LMX1A: variants seen among roughly 807,000 people sequenced by gnomAD.
LMX1A encodes LIM homeobox transcription factor 1 alpha.
Under a neutral mutation model 49.1 loss-of-function variants are expected in LMX1A, and 15 were observed. The ratio of observed to expected loss-of-function variants is 0.31; its 90% CI spans 0.20 to 0.47. The LOEUF (loss-of-function observed/expected upper bound fraction) is 0.47, where lower values mean the gene tolerates loss of function less well. LMX1A is among the 20% of genes least tolerant of loss of function. LMX1A has a pLI of 1.00. For missense variants in LMX1A, 372 were observed against 475.8 expected, an observed-to-expected ratio of 0.78 and a Z score of 2.03; for synonymous variants, 167 against 185.7, an observed-to-expected ratio of 0.90 and a Z score of 0.82.
At chr1:165,229,549 A>C (rs904869605) in intron 4 of LMX1A, among the ~76,000 whole-genome samples, 2 of 152,196 alleles carry the variant, frequency 1.3e-5, no homozygotes, top group African/African-American at 4.8e-5. Flanking sequence ...TGAACAAGGC[A>C]CTTAACCTCA....
chr1:165,294,098 C>A (rs1654550770), intron 3 of LMX1A, among the ~76,000 whole-genome samples: 1 of 152,204 alleles, frequency 6.6e-6, no homozygotes, highest in Non-Finnish European at 1.5e-5. Flanking sequence ...CAAGGTAACA[C>A]AGCTGATCAG....
chr1:165,284,302 G>A (rs1654241109), intron 3 of LMX1A, among the ~76,000 whole-genome samples: 2 of 152,176 alleles, frequency 1.3e-5, no homozygotes, highest in South Asian at 2.1e-4. Flanking sequence ...TGAGATAGGT[G>A]GAATTTTCCA....
intron 4 of LMX1A, among the ~76,000 whole-genome samples, chr1:165,237,384 C>T (rs561923301): frequency 6.6e-5 from 10 of 152,226 alleles, no homozygotes; most frequent in South Asian, 2.1e-4. Context: ...CCACCACACC[C>T]GGCTAATTTT....
At chr1:165,337,886 T>TG (rs1553213775) in intron 3 of LMX1A, among the ~76,000 whole-genome samples, 19 of 20,786 alleles carry the variant, frequency 9.1e-4, no homozygotes, top group African/African-American at 1.9e-3. Flanking sequence ...GTGTGTGTGT[T>TG]TCTGTGTGTG....
In LMX1A at chr1:165,221,914, C is replaced by CAG. The variant is rs1651862205; in HGVS notation, c.497-8102_497-8101insCT. On this transcript the variant is annotated intron_variant, in intron 4 of 8. Transcript: ENST00000342310. ...CTTAGCTCTGTCTCCACTCTACACA[C>CAG]ACACACACACACACACACACACACA... is the stretch of plus-strand genomic sequence containing the variant. 4.0e-5 allele frequency among the ~76,000 whole-genome samples: 4 copies of CAG among 100,880 alleles called. No individual in the cohort carries two copies. The South Asian group carries it at 1.5e-3, about 38-fold the overall frequency. The allele number at this position is 100,880 out of a possible 152,430, so 66.2% of individuals were successfully genotyped here.
At chr1:165,349,099 T>C (rs968598334) in intron 3 of LMX1A, among the ~76,000 whole-genome samples, 3 of 152,160 alleles carry the variant, frequency 2.0e-5, no homozygotes, top group Non-Finnish European at 2.9e-5. Flanking sequence ...ATAAACTTCA[T>C]ATGTGAGGGC....
At position 165,318,932 on chromosome 1, in the gene LMX1A, G is replaced by C. The variant is rs528071333; in HGVS notation, c.263+34144C>G. On this transcript the variant is annotated intron_variant, in intron 3 of 8. Transcript: ENST00000342310. ...AAACTTACCTCCTGGTTAAGCCCGG[G>C]TTAATTAGGTTTTCTGTTATCTGAA... 2.0e-5 allele frequency among the ~76,000 whole-genome samples: 3 copies of C among 151,532 alleles called. No homozygotes were observed. The East Asian group carries it at 5.8e-4, about 29-fold the overall frequency.
At chr1:165,260,836 A>G (rs765855276) in intron 3 of LMX1A, among the ~76,000 whole-genome samples, 6 of 152,126 alleles carry the variant, frequency 3.9e-5, no homozygotes, top group Non-Finnish European at 8.8e-5. Flanking sequence ...GGGAGCTGCT[A>G]TGGGGTTTTC....
At chr1:165,349,912 A>G (rs1208038718) in intron 3 of LMX1A, among the ~76,000 whole-genome samples, 1 of 152,240 alleles carries the variant, frequency 6.6e-6, no homozygotes, top group Non-Finnish European at 1.5e-5. Context: ...CAGATGGCTA[A>G]GATAAATGTG....
intron 3 of LMX1A, among the ~76,000 whole-genome samples, chr1:165,275,246 G>A (rs1653929560): frequency 1.3e-5 from 2 of 152,174 alleles, no homozygotes; most frequent in Admixed American, 6.5e-5. Context: ...CTAGGCTGGA[G>A]CCTCTATCAG....
chr1:165,343,580 C>T lies in LMX1A; in HGVS notation c.263+9496G>A, dbSNP rs78974177. 1.2e-4 allele frequency among the ~76,000 whole-genome samples: 19 copies of T among 152,234 alleles called. No individual in the cohort carries two copies. The East Asian group carries it at 1.9e-3, about 15-fold the overall frequency. ...GGACACCTGTTGACAATAGGACATGCGTTTCAAATTACTTTTTCAGTAATG... is the reference window on the plus strand; with the variant it reads ...GGACACCTGTTGACAATAGGACATGTGTTTCAAATTACTTTTTCAGTAATG... On this transcript the variant is annotated intron_variant, in intron 3 of 8. Transcript: ENST00000342310.
intron 3 of LMX1A, among the ~76,000 whole-genome samples, chr1:165,302,921 C>A (rs1010729705): frequency 6.6e-6 from 1 of 152,226 alleles, no homozygotes; most frequent in Non-Finnish European, 1.5e-5. Context: ...ATGTGCTTAA[C>A]TGAAATGATC....
chr1:165,322,811 T>C (rs747158646), intron 3 of LMX1A, among the ~76,000 whole-genome samples: 2 of 152,148 alleles, frequency 1.3e-5, no homozygotes, highest in Admixed American at 6.5e-5. Flanking sequence ...TATATGACTT[T>C]TATCTCAATA....
chr1:165,289,504 T>G (rs1654399280), intron 3 of LMX1A, among the ~76,000 whole-genome samples: 1 of 152,156 alleles, frequency 6.6e-6, no homozygotes, highest in Admixed American at 6.5e-5. Flanking sequence ...ACCTACCTCT[T>G]CTCCCATAAT....
chr1:165,319,005 A>T (rs200327208), intron 3 of LMX1A, among the ~76,000 whole-genome samples: 44,965 of 116,486 alleles, frequency 0.39, 6,954 homozygotes, highest in East Asian at 0.56. Context: ...TCTCTCACAC[A>T]CACACACACA....
chr1:165,324,618 G>C (rs1039538982), intron 3 of LMX1A, among the ~76,000 whole-genome samples: 1 of 152,146 alleles, frequency 6.6e-6, no homozygotes, highest in Non-Finnish European at 1.5e-5. Context: ...GGACCATGGA[G>C]TTTTGGATTA....
At chr1:165,326,072 G>A (rs1456599983) in intron 3 of LMX1A, among the ~76,000 whole-genome samples, 1 of 152,082 alleles carries the variant, frequency 6.6e-6, no homozygotes, top group Non-Finnish European at 1.5e-5. Context: ...GTCCCTTCAG[G>A]CCCAGCTCTG....
chr1:165,304,351 A>G (rs761151135), intron 3 of LMX1A, among the ~76,000 whole-genome samples: 1 of 152,168 alleles, frequency 6.6e-6, no homozygotes, highest in African/African-American at 2.4e-5. Flanking sequence ...AAGGAACTCA[A>G]TAACCATGAG....
intron 3 of LMX1A, among the ~76,000 whole-genome samples, chr1:165,288,453 CA>C (rs1654359615): frequency 1.3e-5 from 2 of 152,158 alleles, no homozygotes; most frequent in African/African-American, 2.4e-5. Context: ...GAGCGAACAG[CA>C]GGCAGCTGTC....
Sources: allele counts gnomAD v4.1 joint callset (sites outside exome capture counted in the v4.1 genomes callset), GRCh38; gene constraint gnomAD v4.1.1; transcripts MANE v1.5; gene names NCBI Gene and HGNC (gene_info 2026-07-23, HGNC 2026-07-21).